ESS2: variants seen among roughly 807,000 people sequenced by gnomAD.
ESS2 encodes ess-2 spliceosome associated protein.
In ESS2, 31 loss-of-function variants were observed where a neutral mutation model predicts 52.0. That is an observed-to-expected ratio of 0.60 (90% CI 0.45 to 0.81). ESS2 has a LOEUF of 0.81. Ranked by LOEUF, ESS2 falls within the 30% of genes least tolerant of loss-of-function variation. The probability of loss-of-function intolerance (pLI) is 0.00; values close to 1 mark genes in which losing one functional copy is unlikely to be tolerated. For synonymous variants in ESS2, 285 were observed against 259.2 expected, an observed-to-expected ratio of 1.10 and a Z score of -0.95; for missense variants, 602 against 637.2, an observed-to-expected ratio of 0.94 and a Z score of 0.59.
In ESS2 at chr22:19,132,273, A is replaced by C; in HGVS notation, c.*1923T>G. 1 of 1,613,206 alleles carries C rather than the reference A, an allele frequency of 6.2e-7. No homozygotes were observed. Among genetic ancestry groups the C allele is most frequent in the East Asian group, 2.2e-5 (1 of 44,850 alleles). On this transcript the variant is annotated 3_prime_UTR_variant, in exon 10 of 10. Coordinates refer to ENST00000252137, the MANE Select transcript of ESS2 (RefSeq NM_022719.3). This position sits in a 1 kb window ranked among gnomAD's most constrained non-coding sequence, Gnocchi z 4.2. ...CTCCTTCAAGAGGGAGGGGGAGGGCAAGTACCGCGCTGAGTGCAAACTGGA... is the reference window on the plus strand; with the variant it reads ...CTCCTTCAAGAGGGAGGGGGAGGGCCAGTACCGCGCTGAGTGCAAACTGGA...
rs146971432 is a variant in ESS2 at position 19,131,460 on chromosome 22, G to A, written c.*2736C>T. On this transcript the variant is annotated 3_prime_UTR_variant, in exon 10 of 10. Transcript: ENST00000252137. The surrounding 1 kb of genome is among the most constrained non-coding windows in gnomAD (Gnocchi z 5.7). ...CATCGTAGGCATCAATCTTGGCAAG[G>A]GTTCCTACGCAAAAGTCAAATCTGC... 1.2e-6 allele frequency: 2 copies of A among 1,614,090 alleles called. No individual in the cohort carries two copies. The highest frequency in any genetic ancestry group is 1.7e-6 in the Non-Finnish European group (2 of 1,180,020).
chr22:19,134,539 C>T (rs995485091), intron 9 of ESS2, 64 bp from the exon 10 acceptor site: 14 of 1,447,660 alleles, frequency 9.7e-6, no homozygotes, highest in African/African-American at 1.4e-5. Context: ...GGCAGCAGGG[C>T]CTCCCTTGGC....
chr22:19,135,108 C>G lies in ESS2; in HGVS notation c.1103G>C (p.Arg368Pro), dbSNP rs540493772. The part of the protein sequence containing the change: ...KMANEAAAKN[R>P]AKKQEALRRV... The stretch of plus-strand genomic sequence containing the variant: ...CCGCAAGGCTTCCTGCTTCTTGGCC[C>G]GGTTCTTGGCAGCGGCCTCGTTGGC... The change falls in exon 9 of 10, where the codon CGG (arginine) becomes CCG (proline). Residue 368 changes from arginine (R) to proline (P), a missense_variant. By Grantham distance (103) the Arg-to-Pro change is moderately radical. Coordinates refer to ENST00000252137, the MANE Select transcript of ESS2 (RefSeq NM_022719.3). 6.2e-7 allele frequency: 1 copy of G among 1,614,104 alleles called. No individual in the cohort carries two copies. The highest frequency in any genetic ancestry group is 1.1e-5 in the South Asian group (1 of 91,078).
At position 19,134,340 on chromosome 22, in the gene ESS2, C is replaced by A; in HGVS notation, c.1287G>T (p.Lys429Asn). 1 of 1,611,838 alleles carries A rather than the reference C, an allele frequency of 6.2e-7. No individual in the cohort carries two copies. The highest frequency in any genetic ancestry group is 8.5e-7 in the Non-Finnish European group (1 of 1,179,146). ...GGGTCTGCAGCCCACTGGCCGGGGT[C>A]TTGAGGTGGGTGGAGCGTGCTGGGG... ...TPSPARSTHL[K>N]TPASGLQTPT... The change falls in exon 10 of 10, where the codon AAG (lysine) becomes AAT (asparagine). Residue 429 changes from lysine to asparagine, a missense_variant. Coordinates refer to ENST00000252137, the MANE Select transcript of ESS2 (RefSeq NM_022719.3).
In ESS2 at chr22:19,142,598, G is replaced by T; in HGVS notation, c.340C>A (p.His114Asn). The part of the protein sequence containing the change: ...TPATFETPEV[H>N]AGTGVVGNKP... ...TTGCCCACCACTCCAGTGCCTGCAT[G>T]CACCTCAGGGGTTTCAAATGTGGCT... The change falls in exon 3 of 10, where the codon CAT becomes AAT. Residue 114 changes from histidine to asparagine, a missense_variant. Transcript: ENST00000252137. 1 of 1,613,692 alleles carries T rather than the reference G, an allele frequency of 6.2e-7. No homozygotes were observed. Among genetic ancestry groups the T allele is most frequent in the Non-Finnish European group, 8.5e-7 (1 of 1,179,844 alleles).
At position 19,139,631 on chromosome 22, in the gene ESS2, G is replaced by A. The variant is rs765756787; in HGVS notation, c.669C>T (p.Ser223=). 9.3e-6 allele frequency: 15 copies of A among 1,613,988 alleles called. No individual in the cohort carries two copies. In the Admixed American group the frequency reaches 2.0e-4, roughly 22 times the overall value. ...VETWKYKAKN[S]LMYYPEGVPD... ...ACTTACCCTCTGGATAGTACATGAG[G>A]GAATTCTTGGCCTTGTACTTCCAGG... The change falls in exon 5 of 10, where the codon TCC becomes TCT. Residue 223 remains serine (S), a synonymous_variant. Transcript: ENST00000252137.
At chr22:19,143,814 C>T (rs1422157837) in intron 1 of ESS2, among the ~76,000 whole-genome samples, 6 of 152,182 alleles carry the variant, frequency 3.9e-5, no homozygotes. Context: ...AAGCCGAGAT[C>T]GCGCCACTGC....
chr22:19,137,876 G>A (rs2083611201), intron 7 of ESS2: 2 of 985,266 alleles, frequency 2.0e-6, no homozygotes, highest in Non-Finnish European at 2.4e-6. Context: ...CTCCACTGAG[G>A]TGCTGGGCCT....
chr22:19,139,566 G>A, intron 5 of ESS2, 46 bp downstream of exon 5: 1 of 1,553,196 alleles, frequency 6.4e-7, no homozygotes, highest in East Asian at 2.2e-5. Flanking sequence ...GACACACACA[G>A]CTCTACCCAA....
intron 7 of ESS2, 126 bp from the exon 8 acceptor site, chr22:19,137,558 C>A: frequency 1.1e-6 from 1 of 940,614 alleles, no homozygotes; most frequent in South Asian, 1.7e-5. Flanking sequence ...GCCCTCTCTC[C>A]TTCCCCAGGA....
At chr22:19,140,069 C>T (rs1460393143) in intron 3 of ESS2, 45 bp from the exon 4 acceptor site, 2 of 1,604,082 alleles carry the variant, frequency 1.2e-6, no homozygotes, top group East Asian at 4.5e-5. Flanking sequence ...CCTTTGCAGT[C>T]AGGAAAGAGG....
rs2083755360 is a variant in ESS2 at position 19,144,650 on chromosome 22, A to AG, written c.-11dup. 1 of 1,497,472 alleles carries AG rather than the reference A, an allele frequency of 6.7e-7. No homozygotes were observed. The highest frequency in any genetic ancestry group is 1.4e-5 in the African/African-American group (1 of 70,478). The allele number at this position is 1,497,472 out of a possible 1,614,324, so 92.8% of individuals were successfully genotyped here. ...CGCCCGGCGTCTCCATCGCTATCCC[A>AG]GGAAAAAGCTCGGGCCCAGCAGGCG... On this transcript the variant is annotated 5_prime_UTR_variant, in exon 1 of 10. Transcript: ENST00000252137.
Position 19,132,162 on chromosome 22 carries a change from C to G in ESS2, c.*2034G>C. ...GGACCTCATCTACCGCATGCTGCAGCCCGACGTCAGCCAGCGGCTCCACAT... is the reference window on the plus strand; with the variant it reads ...GGACCTCATCTACCGCATGCTGCAGGCCGACGTCAGCCAGCGGCTCCACAT... On this transcript the variant is annotated 3_prime_UTR_variant, in exon 10 of 10. Transcript: ENST00000252137. This position sits in a 1 kb window ranked among gnomAD's most constrained non-coding sequence, Gnocchi z 4.2. 1 of 1,613,378 alleles carries G rather than the reference C, an allele frequency of 6.2e-7. No individual in the cohort carries two copies. The highest frequency in any genetic ancestry group is 8.5e-7 in the Non-Finnish European group (1 of 1,179,426).
chr22:19,135,620 T>A (rs900941066), intron 8 of ESS2, among the ~76,000 whole-genome samples: 4 of 147,258 alleles, frequency 2.7e-5, no homozygotes, highest in African/African-American at 5.4e-5. Flanking sequence ...GCTGTGCACA[T>A]GTTTTTTCAC....
intron 1 of ESS2, 82 bp from the exon 2 acceptor site, chr22:19,142,976 G>A (rs1601366994): frequency 1.0e-5 from 14 of 1,380,964 alleles, no homozygotes; most frequent in South Asian, 9.4e-5. Flanking sequence ...GGAGGCCAAG[G>A]GAGGTGGATC....
chr22:19,138,500 A>G (rs1488388702), intron 6 of ESS2, 183 bp from the exon 7 acceptor site: 2 of 716,980 alleles, frequency 2.8e-6, no homozygotes, highest in Non-Finnish European at 5.1e-6. Context: ...CCCCCAAAAG[A>G]CCTTGAGGGC....
intron 7 of ESS2, chr22:19,137,819 A>G (rs2083610328): frequency 2.0e-6 from 2 of 985,300 alleles, no homozygotes; most frequent in African/African-American, 3.5e-5. Context: ...CAGAGGCCAG[A>G]GTGCAGAGGG....
intron 1 of ESS2, among the ~76,000 whole-genome samples, chr22:19,143,536 A>G (rs1453861909): frequency 6.6e-6 from 1 of 152,184 alleles, no homozygotes; most frequent in African/African-American, 2.4e-5. Context: ...CTTTCATTCC[A>G]CACATGACTT....
intron 8 of ESS2, among the ~76,000 whole-genome samples, chr22:19,136,064 G>A (rs1430641961): frequency 1.4e-5 from 2 of 145,540 alleles, no homozygotes; most frequent in African/African-American, 5.3e-5. Context: ...AAGAGGCGAG[G>A]CACAGTGGCT....
Sources: allele counts gnomAD v4.1 joint callset (sites outside exome capture counted in the v4.1 genomes callset), GRCh38; gene constraint gnomAD v4.1.1; non-coding constraint Gnocchi (gnomAD v3.1); transcripts MANE v1.5; gene names NCBI Gene and HGNC (gene_info 2026-07-23, HGNC 2026-07-21).